Variants in STXBP4 observed in about 807,000 individuals in gnomAD.
STXBP4 encodes syntaxin binding protein 4.
Under a neutral mutation model 76.1 loss-of-function variants are expected in STXBP4, and 55 were observed. The ratio of observed to expected loss-of-function variants is 0.72; its 90% CI spans 0.58 to 0.91. The LOEUF (loss-of-function observed/expected upper bound fraction) is 0.91, where lower values mean the gene tolerates loss of function less well. Ranked by LOEUF, STXBP4 falls within the 40% of genes least tolerant of loss-of-function variation. The pLI is 0.00. For synonymous variants in STXBP4, 201 were observed against 220.2 expected, an observed-to-expected ratio of 0.91 and a Z score of 0.77; for missense variants, 618 against 636.9, an observed-to-expected ratio of 0.97 and a Z score of 0.32.
At chr17:55,078,844 A>G (rs536978719) in intron 15 of STXBP4, 109 bp downstream of exon 15, 10 of 674,780 alleles carry the variant, frequency 1.5e-5, no homozygotes, top group African/African-American at 3.7e-5. Context: ...AAGGTGCTAC[A>G]TAACTCCCAT....
At chr17:55,188,293 G>T in the STXBP4 span, among the ~76,000 whole-genome samples, 2 of 152,134 alleles carry the variant, frequency 1.3e-5, no homozygotes, top group Non-Finnish European at 2.9e-5. Flanking sequence ...GATGTGTCTG[G>T]GTCACATTGT....
intron 10 of STXBP4, among the ~76,000 whole-genome samples, chr17:55,042,349 TAC>T (rs1190092735): frequency 6.6e-6 from 1 of 152,258 alleles, no homozygotes; most frequent in Admixed American, 6.5e-5. Context: ...ATTGAATATA[TAC>T]AGTCTTTAGC....
At chr17:54,974,036 A>T (rs1448424068) in intron 1 of STXBP4, among the ~76,000 whole-genome samples, 2 of 152,174 alleles carry the variant, frequency 1.3e-5, no homozygotes, top group Non-Finnish European at 2.9e-5. Context: ...GATTATAAAG[A>T]TGTATTATTT....
intron 13 of STXBP4, among the ~76,000 whole-genome samples, chr17:55,073,507 T>A (rs1195143313): frequency 1.3e-5 from 2 of 152,172 alleles, no homozygotes; most frequent in African/African-American, 4.8e-5. Context: ...AAGGCCTAGA[T>A]AATTAATGGG....
chr17:54,969,365 C>A (rs4794549), intron 1 of STXBP4, among the ~76,000 whole-genome samples: 44,037 of 151,954 alleles, frequency 0.29, 6,593 homozygotes, highest in South Asian at 0.31. Flanking sequence ...TCGAGGGGGG[C>A]AGACAGCATA....
the STXBP4 span, among the ~76,000 whole-genome samples, chr17:55,192,043 C>A: frequency 6.6e-6 from 1 of 152,094 alleles, no homozygotes; most frequent in East Asian, 1.9e-4. Context: ...ATGGAAGTGA[C>A]AAATAGGGCT....
At chr17:55,174,769 C>A (rs773138093), downstream of STXBP4, among the ~76,000 whole-genome samples, 24 of 152,184 alleles carry the variant, frequency 1.6e-4, no homozygotes, top group Non-Finnish European at 2.9e-4. Context: ...CTAAGAATGG[C>A]TCTGCCTTCT....
In STXBP4 at chr17:55,110,369, A is replaced by T. The variant is rs372193257; in HGVS notation, c.1489+29186A>T. On this transcript the variant is annotated intron_variant, in intron 16 of 17. Coordinates refer to ENST00000376352, the MANE Select transcript of STXBP4 (RefSeq NM_178509.6). ...GCTTAGGATGTGGACATCATCGTGG[A>T]GGGCTATTATTCTGCCTATCACAGA... Among the ~76,000 whole-genome samples, 19 of 152,318 alleles carry T rather than the reference A, an allele frequency of 1.2e-4. No homozygotes were observed. In the East Asian group the frequency reaches 3.1e-3, roughly 25 times the overall value.
intron 8 of STXBP4, among the ~76,000 whole-genome samples, chr17:55,018,457 C>G (rs545197551): frequency 6.6e-6 from 1 of 152,132 alleles, no homozygotes; most frequent in Non-Finnish European, 1.5e-5. Flanking sequence ...AGAGTGAAAA[C>G]AGAGCTCCCA....
At chr17:55,180,636 ACAGAAT>A in the STXBP4 span, among the ~76,000 whole-genome samples, 1 of 152,238 alleles carries the variant, frequency 6.6e-6, no homozygotes, top group Non-Finnish European at 1.5e-5. Context: ...ATCATTTGAA[ACAGAAT>A]CAGAATTGAA....
At chr17:55,106,091 A>G (rs878928250) in intron 16 of STXBP4, among the ~76,000 whole-genome samples, 2 of 152,094 alleles carry the variant, frequency 1.3e-5, no homozygotes, top group African/African-American at 4.8e-5. Flanking sequence ...GTGGGAGTCT[A>G]AGTCTCTTTG....
chr17:55,034,857 A>G (rs1439629148), intron 10 of STXBP4, among the ~76,000 whole-genome samples: 3 of 152,000 alleles, frequency 2.0e-5, no homozygotes, highest in Non-Finnish European at 4.4e-5. Flanking sequence ...GGGATTGTGA[A>G]GTCTATTAGC....
rs993856954 is a variant in STXBP4 at position 55,161,045 on chromosome 17, A to G, written c.*1134A>G. The G allele has an allele frequency of 6.6e-5, 10 of 152,268 alleles. No individual in the cohort carries two copies. Among genetic ancestry groups the G allele is most frequent in the Non-Finnish European group, 1.2e-4 (8 of 68,060 alleles). 9.4% of individuals were successfully genotyped at this position (152,268 alleles called of 1,614,324 possible). On this transcript the variant is annotated 3_prime_UTR_variant, in exon 18 of 18. Transcript: ENST00000376352. Reference sequence around the variant, plus strand: ...CGAGCAGCTCCCAGCACTGCTGTGCAGACCTAGAGGTCCTTAGAACATAGT... The same window carrying G: ...CGAGCAGCTCCCAGCACTGCTGTGCGGACCTAGAGGTCCTTAGAACATAGT...
At chr17:54,998,540 CT>C (rs1191231354) in intron 4 of STXBP4, among the ~76,000 whole-genome samples, 1 of 152,190 alleles carries the variant, frequency 6.6e-6, no homozygotes, top group African/African-American at 2.4e-5. Context: ...CAAGCCAGGC[CT>C]TAGCAAAGGC....
intron 16 of STXBP4, among the ~76,000 whole-genome samples, chr17:55,098,718 A>T (rs1026215919): frequency 1.3e-5 from 2 of 152,170 alleles, no homozygotes; most frequent in Admixed American, 1.3e-4. Flanking sequence ...GAAAGGCCTT[A>T]CCTAATCACC....
chr17:55,105,233 CT>C (rs1424288973), intron 16 of STXBP4, among the ~76,000 whole-genome samples: 2 of 152,132 alleles, frequency 1.3e-5, no homozygotes, highest in Non-Finnish European at 2.9e-5. Context: ...AATTTTAGAT[CT>C]TTCCTGCTTT....
chr17:55,049,491 G>A (rs2628307), intron 12 of STXBP4, among the ~76,000 whole-genome samples: 45,302 of 151,636 alleles, frequency 0.3, 7,071 homozygotes, highest in African/African-American at 0.35. Flanking sequence ...TAAGCAAAGC[G>A]TAGCAGTCAA....
intron 15 of STXBP4, among the ~76,000 whole-genome samples, chr17:55,080,414 A>G (rs2079241353): frequency 6.6e-6 from 1 of 152,226 alleles, no homozygotes; most frequent in Non-Finnish European, 1.5e-5. Context: ...AAGATGGAGT[A>G]TAAATAATGA....
At chr17:55,051,963 A>G (rs1365325130) in intron 12 of STXBP4, among the ~76,000 whole-genome samples, 1 of 152,158 alleles carries the variant, frequency 6.6e-6, no homozygotes, top group Non-Finnish European at 1.5e-5. Flanking sequence ...TAAAATATCA[A>G]GTAGAAAATG....
Sources: allele counts gnomAD v4.1 joint callset (sites outside exome capture counted in the v4.1 genomes callset), GRCh38; gene constraint gnomAD v4.1.1; transcripts MANE v1.5; gene names NCBI Gene and HGNC (gene_info 2026-07-23, HGNC 2026-07-21).